Variants in ENOX1 observed in about 807,000 individuals in gnomAD.
ENOX1 encodes candidate growth-related and time keeping constitutive hydroquinone (NADH) oxidase.
Under a neutral mutation model 82.5 loss-of-function variants are expected in ENOX1, and 42 were observed. The ratio of observed to expected loss-of-function variants is 0.51; its 90% CI spans 0.40 to 0.66. The LOEUF is 0.66. ENOX1 is among the 30% of genes least tolerant of loss of function. ENOX1 has a pLI of 0.00. For missense variants in ENOX1, 608 were observed against 811.6 expected, an observed-to-expected ratio of 0.75 and a Z score of 3.05; for synonymous variants, 271 against 282.2, an observed-to-expected ratio of 0.96 and a Z score of 0.40.
chr13:43,247,485 CAGG>C (rs1432461191), intron 14 of ENOX1, among the ~76,000 whole-genome samples: 2 of 151,990 alleles, frequency 1.3e-5, no homozygotes, highest in Non-Finnish European at 2.9e-5. Context: ...ATGGAAGCGT[CAGG>C]AGATTTTTCA....
intron 8 of ENOX1, among the ~76,000 whole-genome samples, chr13:43,351,424 A>G (rs1371659058): frequency 5.3e-5 from 8 of 150,950 alleles, no homozygotes; most frequent in Non-Finnish European, 1.2e-4. Flanking sequence ...TTATTTATTT[A>G]TTTATTTATT....
chr13:43,372,414 C>A (rs2051302522), intron 5 of ENOX1, among the ~76,000 whole-genome samples: 1 of 152,134 alleles, frequency 6.6e-6, no homozygotes, highest in South Asian at 2.1e-4. Context: ...TTTCTAGCTA[C>A]AAGAAACCAG....
At chr13:43,291,260 G>A (rs2045983140) in intron 12 of ENOX1, among the ~76,000 whole-genome samples, 1 of 152,138 alleles carries the variant, frequency 6.6e-6, no homozygotes, top group African/African-American at 2.4e-5. Context: ...TGTCTGGAAC[G>A]GACTCTACTG....
At chr13:43,719,302 T>TACACACATACACACACAC (rs2088387268) in intron 1 of ENOX1, among the ~76,000 whole-genome samples, 4 of 126,682 alleles carry the variant, frequency 3.2e-5, no homozygotes, top group African/African-American at 1.2e-4. Flanking sequence ...TTCATTCAAA[T>TACACACATACACACACAC]ACACACACAC....
chr13:43,465,759 C>T (rs1022328271), intron 3 of ENOX1, among the ~76,000 whole-genome samples: 1 of 152,154 alleles, frequency 6.6e-6, no homozygotes, highest in Admixed American at 6.5e-5. Context: ...ATGAAGTTAG[C>T]TGATATGTCC....
intron 12 of ENOX1, among the ~76,000 whole-genome samples, chr13:43,276,976 C>T (rs1224374530): frequency 6.6e-6 from 1 of 152,126 alleles, no homozygotes; most frequent in Admixed American, 6.5e-5. Context: ...TGAGGGTATC[C>T]AAGCCTATGG....
At chr13:43,648,594 C>T (rs1284939298) in intron 2 of ENOX1, among the ~76,000 whole-genome samples, 1 of 152,158 alleles carries the variant, frequency 6.6e-6, no homozygotes, top group Non-Finnish European at 1.5e-5. Context: ...GCCACTAACT[C>T]GTGGCTGACC....
At chr13:43,361,239 C>T (rs1411717777) in intron 6 of ENOX1, 40 bp downstream of exon 6, 4 of 1,592,416 alleles carry the variant, frequency 2.5e-6, no homozygotes, top group East Asian at 4.5e-5. Flanking sequence ...AAAAGAAAAA[C>T]ATTTAAAATG....
intron 10 of ENOX1, among the ~76,000 whole-genome samples, chr13:43,326,096 C>T (rs2048097685): frequency 6.6e-6 from 1 of 152,110 alleles, no homozygotes; most frequent in African/African-American, 2.4e-5. Flanking sequence ...ATTTAAAAGC[C>T]AGTTTTCTAT....
intron 4 of ENOX1, 118 bp downstream of exon 4, chr13:43,412,727 G>A: frequency 8.7e-7 from 1 of 1,146,328 alleles, no homozygotes; most frequent in East Asian, 2.5e-5. Context: ...TCTACAGACT[G>A]ATTTCTTTAT....
chr13:43,605,456 C>T (rs2153734074), intron 2 of ENOX1, among the ~76,000 whole-genome samples: 1 of 152,174 alleles, frequency 6.6e-6, no homozygotes. Flanking sequence ...GGTATAAAAA[C>T]AGACACATAC....
At chr13:43,595,774 G>T (rs1287280729) in intron 2 of ENOX1, among the ~76,000 whole-genome samples, 2 of 152,120 alleles carry the variant, frequency 1.3e-5, no homozygotes, top group African/African-American at 4.8e-5. Context: ...TAAAATAAAG[G>T]CTAAGGTTTT....
chr13:43,489,621 A>G (rs1191947081), intron 2 of ENOX1, among the ~76,000 whole-genome samples: 1 of 152,174 alleles, frequency 6.6e-6, no homozygotes, highest in East Asian at 1.9e-4. Context: ...AGGTTCACTC[A>G]TAAAATCCCA....
intron 9 of ENOX1, among the ~76,000 whole-genome samples, chr13:43,335,374 C>A (rs1399139430): frequency 1.3e-5 from 2 of 152,212 alleles, no homozygotes; most frequent in African/African-American, 4.8e-5. Flanking sequence ...TGACACCTTA[C>A]TTTTCCTCAA....
chr13:43,412,724 A>T, intron 4 of ENOX1, 121 bp downstream of exon 4: 1 of 1,098,064 alleles, frequency 9.1e-7, no homozygotes, highest in Non-Finnish European at 1.3e-6. Flanking sequence ...AGTTCTACAG[A>T]CTGATTTCTT....
At chr13:43,376,154 T>C (rs1355740277) in intron 5 of ENOX1, among the ~76,000 whole-genome samples, 1 of 152,264 alleles carries the variant, frequency 6.6e-6, no homozygotes, top group Non-Finnish European at 1.5e-5. Context: ...TCTTCATGTT[T>C]TTTCAAATAC....
chr13:43,284,254 C>T (rs1593702154), intron 12 of ENOX1, among the ~76,000 whole-genome samples: 1 of 151,576 alleles, frequency 6.6e-6, no homozygotes, highest in South Asian at 2.1e-4. Flanking sequence ...ATAAGAAATA[C>T]AAACCGTTAG....
chr13:43,395,025 T>G (rs553966709), intron 5 of ENOX1, among the ~76,000 whole-genome samples: 38 of 152,350 alleles, frequency 2.5e-4, no homozygotes, highest in Non-Finnish European at 5.3e-4. Flanking sequence ...TCTGATGGAC[T>G]AGCAACATCT....
At chr13:43,645,079 G>T (rs561231664) in intron 2 of ENOX1, among the ~76,000 whole-genome samples, 1 of 152,070 alleles carries the variant, frequency 6.6e-6, no homozygotes, top group African/African-American at 2.4e-5. Flanking sequence ...TCAAATAATA[G>T]TTTTCCCATT....
Sources: allele counts gnomAD v4.1 joint callset (sites outside exome capture counted in the v4.1 genomes callset), GRCh38; gene constraint gnomAD v4.1.1; transcripts MANE v1.5; gene names NCBI Gene and HGNC (gene_info 2026-07-23, HGNC 2026-07-21).